ACIN1: variants seen among roughly 807,000 people sequenced by gnomAD.
ACIN1 encodes apoptotic chromatin condensation inducer 1, also known as apoptotic chromatin condensation inducer in the nucleus.
ACIN1 carries 16 observed loss-of-function variants against 146.6 expected under a neutral mutation model. The ratio of observed to expected loss-of-function variants is 0.11; its 90% confidence interval spans 0.07 to 0.17. ACIN1 has a LOEUF of 0.17. ACIN1 is among the 10% of genes least tolerant of loss of function. The pLI is 1.00. For missense variants in ACIN1, 1,357 were observed against 1,609.3 expected (o/e 0.84, Z 2.68); for synonymous variants, 569 against 582.7 (o/e 0.98, Z 0.34).
chr14:23,064,215 C>T lies in ACIN1; in HGVS notation c.2485G>A (p.Val829Ile), dbSNP rs1307310312. 12 of 1,614,034 alleles carry T rather than the reference C, an allele frequency of 7.4e-6. No homozygotes were observed. The highest frequency in any genetic ancestry group is 1.7e-5 in the Admixed American group (1 of 60,012). ...GAGTCATCAGCATGAAGATCCACAA[C>T]AGCCTCCTGCCCCGCCAGGGGTTTG... ...DIKPLAGQEA[V>I]VDLHADDSRI... Residue 829 changes from valine to isoleucine, a missense_variant, in exon 12 of 19, where the codon GTT becomes ATT. This residue lies in a region of ACIN1 where 509 missense variants were observed against 719.6 expected (regional missense o/e 0.71). Coordinates refer to ENST00000605057, the MANE Select transcript of ACIN1 (RefSeq NM_001386863.1).
intron 8 of ACIN1, chr14:23,071,584 G>C: frequency 6.5e-7 from 1 of 1,542,352 alleles, no homozygotes; most frequent in Non-Finnish European, 8.7e-7. Flanking sequence ...GCCTGTGTGT[G>C]CGGATGGGGG....
intron 8 of ACIN1, among the ~76,000 whole-genome samples, chr14:23,074,080 C>T (rs1229206117): frequency 1.3e-5 from 2 of 151,636 alleles, no homozygotes; most frequent in South Asian, 2.1e-4. Context: ...CCTTGTGATT[C>T]GCGCGTCTCG....
intron 4 of ACIN1, among the ~76,000 whole-genome samples, chr14:23,083,069 A>G (rs945804337): frequency 2.6e-5 from 4 of 151,804 alleles, no homozygotes; most frequent in African/African-American, 7.3e-5. Flanking sequence ...TTTAAGGAAA[A>G]AAAAAGTTCT....
intron 3 of ACIN1, 47 bp from the exon 4 acceptor site, chr14:23,090,148 A>C (rs1156430772): frequency 1.9e-6 from 3 of 1,595,096 alleles, no homozygotes; most frequent in Non-Finnish European, 2.6e-6. Flanking sequence ...TGAAGGACTC[A>C]GCATGTAGGA....
intron 8 of ACIN1, chr14:23,077,883 T>G (rs1203311451): frequency 8.7e-6 from 2 of 230,100 alleles, no homozygotes; most frequent in Non-Finnish European, 1.7e-5. Context: ...AAGCAGAAGC[T>G]TCTATTGCCT....
In ACIN1 at chr14:23,088,245, G is replaced by A. The variant is rs61976370; in HGVS notation, c.436+1737C>T. Among the ~76,000 whole-genome samples the A allele has an allele frequency of 4.0e-3, 614 of 152,254 alleles. 2 individuals are homozygous for A. Among genetic ancestry groups the A allele is most frequent in the Non-Finnish European group, 7.2e-3 (487 of 68,022 alleles). On this transcript the variant is annotated intron_variant, in intron 4 of 18. Coordinates refer to ENST00000605057, the MANE Select transcript of ACIN1 (RefSeq NM_001386863.1). ...GCTTTAAAATCAAGGGGGAAAGGGC[G>A]CAGGGAGCAAAGTGGATCAGCTGAG... is the stretch of plus-strand genomic sequence containing the variant.
Position 23,059,407 on chromosome 14 carries a change from T to G in ACIN1, c.3593A>C (p.Glu1198Ala). 6.2e-7 allele frequency: 1 copy of G among 1,613,598 alleles called. No individual in the cohort carries two copies. Among genetic ancestry groups the G allele is most frequent in the Non-Finnish European group, 8.5e-7 (1 of 1,179,736 alleles). ...CTCCCGCTCCTTTTGCTCTTCTTCT[T>G]CTTGCTCCTTTCGCCGCTTCTCCCG... is the stretch of plus-strand genomic sequence containing the variant. The part of the protein sequence containing the change: ...KEREKRRKEQ[E>A]EEEQKEREKE... Residue 1198 changes from glutamate (E) to alanine (A), a missense_variant, in exon 19 of 19, where the codon GAA (glutamate) becomes GCA (alanine). By Grantham distance (107) the Glu-to-Ala change is moderately radical (BLOSUM62 -1). Coordinates refer to ENST00000605057, the MANE Select transcript of ACIN1 (RefSeq NM_001386863.1).
In ACIN1 at chr14:23,067,816, G is replaced by C. The variant is rs150702576; in HGVS notation, c.2265+1660C>G. Reference sequence around the variant, plus strand: ...TTTCTCCTCTGCCTGTAACTGGGGAGGGGGTCCTCTCACCGAGTGGGATCA... The same window carrying C: ...TTTCTCCTCTGCCTGTAACTGGGGACGGGGTCCTCTCACCGAGTGGGATCA... On this transcript the variant is annotated intron_variant, in intron 9 of 18. Coordinates refer to ENST00000605057, the MANE Select transcript of ACIN1 (RefSeq NM_001386863.1). This position sits in a 1 kb window ranked among gnomAD's most constrained non-coding sequence, Gnocchi z 4.6. The C allele has an allele frequency of 3.0e-6, 3 of 985,728 alleles. No individual in the cohort carries two copies. Among genetic ancestry groups the C allele is most frequent in the South Asian group, 4.7e-5 (1 of 21,290 alleles). 61.1% of individuals were successfully genotyped at this position (985,728 alleles called of 1,614,324 possible).
intron 13 of ACIN1, 119 bp from the exon 14 acceptor site, chr14:23,063,193 C>T (rs769360563): frequency 7.8e-5 from 95 of 1,224,758 alleles, no homozygotes; most frequent in African/African-American, 1.2e-4. Context: ...TTAATCTAAA[C>T]GTGCAGAGCA....
intron 16 of ACIN1, 37 bp downstream of exon 16, chr14:23,062,131 C>G: frequency 6.4e-7 from 1 of 1,551,322 alleles, no homozygotes; most frequent in Non-Finnish European, 8.9e-7. Flanking sequence ...ATGGCTTCCC[C>G]TGCCCCTCCT....
At chr14:23,090,302 T>C (rs2048197541) in intron 3 of ACIN1, among the ~76,000 whole-genome samples, 2 of 152,244 alleles carry the variant, frequency 1.3e-5, no homozygotes, top group African/African-American at 4.8e-5. Context: ...TAACTCTTCC[T>C]GTTGGCAGGA....
Position 23,069,324 on chromosome 14 carries a change from C to T in ACIN1, c.2265+152G>A, listed in dbSNP as rs573120153. On this transcript the variant is annotated intron_variant, in intron 9 of 18. Coordinates refer to ENST00000605057, the MANE Select transcript of ACIN1 (RefSeq NM_001386863.1). The stretch of plus-strand genomic sequence containing the variant: ...CAAGGGGTCTCCCTTGCTAAACCAG[C>T]GAATTCTCCCTTGGCCCTATTCTGA... The T allele has an allele frequency of 2.7e-4, 368 of 1,347,192 alleles. 4 individuals are homozygous for T. In the South Asian group the frequency reaches 4.7e-3, roughly 17 times the overall value. The allele number at this position is 1,347,192 out of a possible 1,614,324, so 83.5% of individuals were successfully genotyped here.
intron 4 of ACIN1, 21 bp downstream of exon 4, chr14:23,089,961 A>T: frequency 6.3e-7 from 1 of 1,580,190 alleles, no homozygotes; most frequent in Non-Finnish European, 8.6e-7. Flanking sequence ...AAAACAGCGC[A>T]GTGGGGAGGG....
At chr14:23,071,534 C>T (rs747401883) in intron 8 of ACIN1, 29 of 1,551,172 alleles carry the variant, frequency 1.9e-5, no homozygotes, top group Middle Eastern at 1.7e-4. Context: ...AGCGATCAGC[C>T]GGAGACATGC....
At chr14:23,069,010 CAG>C in intron 9 of ACIN1, 2 of 986,030 alleles carry the variant, frequency 2.0e-6, no homozygotes, top group Non-Finnish European at 2.4e-6. Flanking sequence ...TACATCTCTG[CAG>C]TCAGACCACT....
At chr14:23,060,887 G>A (rs2047257898) in intron 18 of ACIN1, among the ~76,000 whole-genome samples, 197 bp downstream of exon 18, 1 of 152,218 alleles carries the variant, frequency 6.6e-6, no homozygotes, top group Non-Finnish European at 1.5e-5. Flanking sequence ...CTATCTGCGT[G>A]TCTATCTTTA....
Position 23,067,593 on chromosome 14 carries a change from G to C in ACIN1, c.2266-1585C>G, listed in dbSNP as rs978337889. 1.0e-6 allele frequency: 1 copy of C among 985,942 alleles called. No homozygotes were observed. The highest frequency in any genetic ancestry group is 4.7e-5 in the South Asian group (1 of 21,284). 61.1% of individuals were successfully genotyped at this position (985,942 alleles called of 1,614,324 possible). ...TGGCCAGGCTCAGCGAGGGATAGAGGGGGGAAAGGGGCAGAGACATCAGTC... is the reference window on the plus strand; with the variant it reads ...TGGCCAGGCTCAGCGAGGGATAGAGCGGGGAAAGGGGCAGAGACATCAGTC... On this transcript the variant is annotated intron_variant, in intron 9 of 18. Transcript: ENST00000605057. This position sits in a 1 kb window ranked among gnomAD's most constrained non-coding sequence, Gnocchi z 4.6.
At chr14:23,087,737 G>C (rs1409854358) in intron 4 of ACIN1, among the ~76,000 whole-genome samples, 1 of 151,250 alleles carries the variant, frequency 6.6e-6, no homozygotes, top group African/African-American at 2.4e-5. Context: ...TACTGGCCTG[G>C]CATTTAAAGC....
chr14:23,069,759 G>T, intron 8 of ACIN1, 142 bp from the exon 9 acceptor site: 1 of 736,078 alleles, frequency 1.4e-6, no homozygotes. Flanking sequence ...TTCTGATCAA[G>T]GTTAGAGACC....
Sources: allele counts gnomAD v4.1 joint callset (sites outside exome capture counted in the v4.1 genomes callset), GRCh38; gene constraint gnomAD v4.1.1; regional missense constraint gnomAD v4.1.1; non-coding constraint Gnocchi (gnomAD v3.1); transcripts MANE v1.5; gene names NCBI Gene and HGNC (gene_info 2026-07-23, HGNC 2026-07-21).